SLC1A2: variants seen among roughly 807,000 people sequenced by gnomAD.
SLC1A2 encodes the protein solute carrier family 1 member 2.
SLC1A2 carries 15 observed loss-of-function variants against 48.8 expected under a neutral mutation model. That is an observed-to-expected ratio of 0.31 (90% CI 0.21 to 0.47). The LOEUF is 0.47. Ranked by LOEUF, SLC1A2 falls within the 20% of genes least tolerant of loss-of-function variation. The pLI is 0.99. For synonymous variants in SLC1A2, 279 were observed against 272.6 expected (o/e 1.02, Z -0.23); for missense variants, 502 against 730.5 (o/e 0.69, Z 3.61).
intron 1 of SLC1A2, among the ~76,000 whole-genome samples, chr11:35,327,555 T>G (rs1405691043): frequency 6.6e-6 from 1 of 152,240 alleles, no homozygotes; most frequent in Non-Finnish European, 1.5e-5. Flanking sequence ...CAAAGAACTC[T>G]CATACATTTC....
intron 1 of SLC1A2, among the ~76,000 whole-genome samples, chr11:35,389,503 T>G (rs966697520): frequency 6.6e-6 from 1 of 152,032 alleles, no homozygotes; most frequent in Non-Finnish European, 1.5e-5. Flanking sequence ...AGAGCTTCAC[T>G]CTTGTCACCC....
At chr11:35,384,151 A>C (rs1336587937) in intron 1 of SLC1A2, among the ~76,000 whole-genome samples, 1 of 152,230 alleles carries the variant, frequency 6.6e-6, no homozygotes, top group African/African-American at 2.4e-5. Context: ...CTAAGTATAG[A>C]TATCTCATGG....
chr11:35,353,459 A>G (rs1010748362), intron 1 of SLC1A2, among the ~76,000 whole-genome samples: 3 of 152,210 alleles, frequency 2.0e-5, no homozygotes, highest in African/African-American at 7.2e-5. Flanking sequence ...ATGGATGTGC[A>G]TCATCCCCCA....
intron 1 of SLC1A2, among the ~76,000 whole-genome samples, chr11:35,418,111 G>A (rs1426822250): frequency 6.6e-6 from 1 of 152,166 alleles, no homozygotes. Flanking sequence ...CTGGTCCAAG[G>A]ACTCTGTGGA....
intron 1 of SLC1A2, among the ~76,000 whole-genome samples, chr11:35,361,018 G>T (rs1853663091): frequency 6.6e-6 from 1 of 152,036 alleles, no homozygotes; most frequent in Admixed American, 6.6e-5. Context: ...TGGGACTACA[G>T]GTGCCCACCA....
rs899005389 is a variant in SLC1A2, at chr11:35,381,733, C to T, written c.17+37217G>A. Among the ~76,000 whole-genome samples the T allele has an allele frequency of 5.9e-5, 9 of 152,162 alleles. No homozygotes were observed. The South Asian group carries it at 6.2e-4, about 11-fold the overall frequency. ...GCTCTTGTTTGCCTCAGAAGACAGGCGGGAAATTCCAACCTGATCCTACTT... is the reference window on the plus strand; with the variant it reads ...GCTCTTGTTTGCCTCAGAAGACAGGTGGGAAATTCCAACCTGATCCTACTT... On this transcript the variant is annotated intron_variant, in intron 1 of 10. Coordinates refer to ENST00000278379, the MANE Select transcript of SLC1A2 (RefSeq NM_004171.4).
intron 1 of SLC1A2, among the ~76,000 whole-genome samples, chr11:35,385,079 A>G (rs531211972): frequency 6.6e-6 from 1 of 152,370 alleles, no homozygotes; most frequent in South Asian, 2.1e-4. Flanking sequence ...ATATCTGGAG[A>G]ATACAATTTC....
chr11:35,349,783 G>T (rs1853175420), intron 1 of SLC1A2, among the ~76,000 whole-genome samples: 1 of 152,180 alleles, frequency 6.6e-6, no homozygotes, highest in African/African-American at 2.4e-5. Context: ...TGCCTGGGAG[G>T]GGATTGAGCG....
chr11:35,416,043 C>T (rs1855594853), intron 1 of SLC1A2, among the ~76,000 whole-genome samples: 1 of 152,196 alleles, frequency 6.6e-6, no homozygotes, highest in African/African-American at 2.4e-5. Context: ...TTAAATTAGA[C>T]CTTGCTTTGC....
intron 7 of SLC1A2, among the ~76,000 whole-genome samples, chr11:35,290,592 T>C (rs893545928): frequency 6.6e-6 from 1 of 151,906 alleles, no homozygotes; most frequent in African/African-American, 2.4e-5. Context: ...CCTGAACTTT[T>C]TCACATTGAG....
At chr11:35,314,727 T>A (rs976772945) in intron 3 of SLC1A2, among the ~76,000 whole-genome samples, 6 of 147,610 alleles carry the variant, frequency 4.1e-5, no homozygotes, top group African/African-American at 1.2e-4. Flanking sequence ...AAAAAAAAAA[T>A]TTAAAACCAC....
intron 2 of SLC1A2, 112 bp downstream of exon 2, chr11:35,317,264 AC>A (rs1289811364): frequency 8.3e-7 from 1 of 1,200,504 alleles, no homozygotes; most frequent in Non-Finnish European, 1.2e-6. Context: ...CCCTAGGCAA[AC>A]CACGTGGCTT....
intron 4 of SLC1A2, chr11:35,307,165 G>T (rs1461960163): frequency 6.6e-6 from 1 of 152,002 alleles, no homozygotes; most frequent in South Asian, 2.1e-4. Flanking sequence ...CCCTCTACCT[G>T]GTCCCCACTG....
intron 1 of SLC1A2, among the ~76,000 whole-genome samples, chr11:35,373,555 T>C (rs1344749466): frequency 6.6e-6 from 1 of 151,628 alleles, no homozygotes; most frequent in African/African-American, 2.4e-5. Flanking sequence ...AGGTACAAGG[T>C]GAAACTAAGT....
intron 1 of SLC1A2, among the ~76,000 whole-genome samples, chr11:35,407,544 T>C (rs921376919): frequency 6.6e-6 from 1 of 152,198 alleles, no homozygotes; most frequent in Non-Finnish European, 1.5e-5. Flanking sequence ...GACTACCATT[T>C]ATGGAAAAAA....
At chr11:35,360,980 A>AT (rs1478879028) in intron 1 of SLC1A2, among the ~76,000 whole-genome samples, 1 of 151,806 alleles carries the variant, frequency 6.6e-6, no homozygotes, top group Non-Finnish European at 1.5e-5. Flanking sequence ...GGCTCAAGTG[A>AT]TTTTCCTGTC....
chr11:35,346,874 C>T (rs182872601), intron 1 of SLC1A2, among the ~76,000 whole-genome samples: 1 of 152,316 alleles, frequency 6.6e-6, no homozygotes, highest in Admixed American at 6.5e-5. Flanking sequence ...TACCCCACAT[C>T]TTGGACACAG....
intron 1 of SLC1A2, among the ~76,000 whole-genome samples, chr11:35,355,995 C>T (rs546341048): frequency 3.4e-4 from 52 of 152,262 alleles, no homozygotes; most frequent in African/African-American, 1.3e-3. Flanking sequence ...GATAACAACA[C>T]TGTCCATTAC....
intron 9 of SLC1A2, among the ~76,000 whole-genome samples, chr11:35,275,315 C>T (rs1218506396): frequency 6.6e-6 from 1 of 152,208 alleles, no homozygotes; most frequent in Admixed American, 6.5e-5. Flanking sequence ...TAGGTCCACT[C>T]GGATTTCACT....
Sources: gnomAD v4.1 joint callset for allele counts (sites outside exome capture counted in the v4.1 genomes callset) on GRCh38, gnomAD v4.1.1 for gene constraint, MANE v1.5 for transcripts, NCBI Gene and HGNC (gene_info 2026-07-23, HGNC 2026-07-21) for gene names.